The following DDAH1 variants were observed in gnomAD, a reference collection of about 807,000 sequenced individuals.
DDAH1 encodes the protein N(G),N(G)-dimethylarginine dimethylaminohydrolase 1.
A neutral mutation model predicts 28.8 loss-of-function variants in DDAH1; 19 were observed. The ratio of observed to expected loss-of-function variants is 0.66; its 90% CI spans 0.46 to 0.97. DDAH1 has a LOEUF of 0.97. Among genes scored for constraint, DDAH1 ranks in the 50% least tolerant of loss-of-function variants. The probability of loss-of-function intolerance (pLI) is 0.00; values close to 1 mark genes in which losing one functional copy is unlikely to be tolerated. For missense variants in DDAH1, 326 were observed against 375.9 expected (o/e 0.87, Z 1.10); for synonymous variants, 153 against 154.4 (o/e 0.99, Z 0.07).
At chr1:85,412,727 A>G (rs758433244) in intron 1 of DDAH1, among the ~76,000 whole-genome samples, 1 of 152,208 alleles carries the variant, frequency 6.6e-6, no homozygotes, top group Non-Finnish European at 1.5e-5. Flanking sequence ...AGGGCCAGGC[A>G]TGGTGGCCTG....
At position 85,406,896 on chromosome 1, in the gene DDAH1, G is replaced by T. The variant is rs1385629092; in HGVS notation, c.304-48049C>A. Among the ~76,000 whole-genome samples, 5 of 151,838 alleles carry T rather than the reference G, an allele frequency of 3.3e-5. No homozygotes were observed. The East Asian group carries it at 7.7e-4, about 23-fold the overall frequency. ...TAAAATAAAATGCTATATTACAAGG[G>T]TCTTTATGACTCAAAGAGAAACAAG... On this transcript the variant is annotated intron_variant, in intron 1 of 5. Transcript: ENST00000284031.
chr1:85,562,329 C>T (rs558717190), intron 1 of DDAH1, among the ~76,000 whole-genome samples: 2 of 152,080 alleles, frequency 1.3e-5, no homozygotes, highest in African/African-American at 4.8e-5. Context: ...TAATGCAGGG[C>T]ATTTTTAATA....
At position 85,464,706 on chromosome 1, in the gene DDAH1, C is replaced by T; in HGVS notation, c.303+37G>A. ...CGGCCGGCGGCGGGGGAGGGCCTGG[C>T]GCGCGCCCCGGCCGCGCCCCTCGAG... is the stretch of plus-strand genomic sequence containing the variant. On this transcript the variant is annotated intron_variant, in intron 1 of 5. Coordinates refer to ENST00000284031, the MANE Select transcript of DDAH1 (RefSeq NM_012137.4). This position sits in a 1 kb window ranked among gnomAD's most constrained non-coding sequence, Gnocchi z 4.4. 3 of 1,437,594 alleles carry T rather than the reference C, an allele frequency of 2.1e-6. No homozygotes were observed. Among genetic ancestry groups the T allele is most frequent in the Non-Finnish European group, 2.7e-6 (3 of 1,102,212 alleles). 89.1% of individuals were successfully genotyped at this position (1,437,594 alleles called of 1,614,324 possible).
At chr1:85,460,657 G>T (rs1375151824) in intron 1 of DDAH1, among the ~76,000 whole-genome samples, 1 of 152,158 alleles carries the variant, frequency 6.6e-6, no homozygotes, top group Non-Finnish European at 1.5e-5. Flanking sequence ...TTGCAATTTT[G>T]CTTAAGTTAA....
intron 1 of DDAH1, among the ~76,000 whole-genome samples, chr1:85,407,049 G>A (rs1267675826): frequency 1.3e-5 from 2 of 151,898 alleles, no homozygotes; most frequent in Non-Finnish European, 2.9e-5. Context: ...TTTTTCATGT[G>A]TCCACTTTTT....
intron 1 of DDAH1, among the ~76,000 whole-genome samples, chr1:85,522,448 A>T (rs1473697164): frequency 1.5e-5 from 2 of 135,864 alleles, no homozygotes; most frequent in Non-Finnish European, 3.2e-5. Flanking sequence ...CCAAATGCTA[A>T]TTCTGCCTAA....
chr1:85,431,396 G>C (rs891355832), intron 1 of DDAH1, among the ~76,000 whole-genome samples: 1 of 152,200 alleles, frequency 6.6e-6, no homozygotes, highest in Non-Finnish European at 1.5e-5. Flanking sequence ...GGACAGTTGT[G>C]CAGGGCACCT....
intron 1 of DDAH1, among the ~76,000 whole-genome samples, chr1:85,575,376 C>T (rs561411883): frequency 4.6e-5 from 7 of 152,308 alleles, no homozygotes; most frequent in Admixed American, 3.3e-4. Flanking sequence ...CAGGCCAAGC[C>T]TTATTCCAGA....
intron 1 of DDAH1, among the ~76,000 whole-genome samples, chr1:85,557,768 C>A (rs1463408964): frequency 6.6e-6 from 1 of 152,048 alleles, no homozygotes; most frequent in Non-Finnish European, 1.5e-5. Flanking sequence ...TCCAATATGA[C>A]TGGCATTCTT....
intron 1 of DDAH1, among the ~76,000 whole-genome samples, chr1:85,518,687 C>T (rs1424234608): frequency 2.0e-5 from 3 of 152,294 alleles, no homozygotes; most frequent in Non-Finnish European, 4.4e-5. Flanking sequence ...CATGATCTCT[C>T]CATTTTTAGG....
intron 1 of DDAH1, among the ~76,000 whole-genome samples, chr1:85,536,589 A>G (rs1658286114): frequency 6.6e-6 from 1 of 151,676 alleles, no homozygotes; most frequent in African/African-American, 2.4e-5. Context: ...AAACAAATGA[A>G]CAAAAAAACA....
intron 1 of DDAH1, among the ~76,000 whole-genome samples, chr1:85,543,396 A>G (rs2100787409): frequency 6.6e-6 from 1 of 152,318 alleles, no homozygotes; most frequent in African/African-American, 2.4e-5. Flanking sequence ...TAAGAGGCAG[A>G]CTTGCTCACA....
At chr1:85,341,484 C>T (rs768533339) in intron 4 of DDAH1, among the ~76,000 whole-genome samples, 80 of 152,344 alleles carry the variant, frequency 5.3e-4, no homozygotes, top group Non-Finnish European at 9.6e-4. Context: ...TGGTTTTCCT[C>T]AAACAGGCAT....
chr1:85,571,502 C>A (rs1227329315), intron 1 of DDAH1, among the ~76,000 whole-genome samples: 1 of 152,216 alleles, frequency 6.6e-6, no homozygotes, highest in Non-Finnish European at 1.5e-5. Flanking sequence ...GAGCTTTAAT[C>A]CACAGTATTG....
intron 1 of DDAH1, among the ~76,000 whole-genome samples, chr1:85,529,411 A>G (rs1420527919): frequency 2.6e-5 from 4 of 152,076 alleles, no homozygotes; most frequent in Non-Finnish European, 4.4e-5. Context: ...ATATATTTCA[A>G]AACTCCACAC....
Position 85,464,077 on chromosome 1 carries a change from G to GCA in DDAH1, c.303+664_303+665dup. 6.6e-6 allele frequency among the ~76,000 whole-genome samples: 1 copy of GCA among 152,218 alleles called. No individual in the cohort carries two copies. The highest frequency in any genetic ancestry group is 1.9e-4 in the East Asian group (1 of 5,200). On this transcript the variant is annotated intron_variant, in intron 1 of 5. Coordinates refer to ENST00000284031, the MANE Select transcript of DDAH1 (RefSeq NM_012137.4). The surrounding 1 kb of genome is among the most constrained non-coding windows in gnomAD (Gnocchi z 4.4). ...CATCTCTAATTAAACACGCTCGCTA[G>GCA]CACACACACCCAACACCGCACAGAG... is the stretch of plus-strand genomic sequence containing the variant.
At chr1:85,492,052 A>G (rs963214189) in intron 2 of DDAH1, among the ~76,000 whole-genome samples, 3 of 152,228 alleles carry the variant, frequency 2.0e-5, no homozygotes, top group African/African-American at 4.8e-5. Context: ...TGAGACATGC[A>G]TAATGATCCT....
chr1:85,378,075 G>C (rs911218337), intron 1 of DDAH1, among the ~76,000 whole-genome samples: 2 of 152,108 alleles, frequency 1.3e-5, no homozygotes, highest in Non-Finnish European at 2.9e-5. Context: ...ATAAGTAAAA[G>C]ACTATTCTGT....
chr1:85,443,912 G>A (rs1654318442), intron 1 of DDAH1, among the ~76,000 whole-genome samples: 1 of 152,170 alleles, frequency 6.6e-6, no homozygotes, highest in African/African-American at 2.4e-5. Flanking sequence ...AGGAGATTTT[G>A]GGCTGAGACG....
Sources: gnomAD v4.1 joint callset for allele counts (sites outside exome capture counted in the v4.1 genomes callset) on GRCh38, gnomAD v4.1.1 for gene constraint, Gnocchi (gnomAD v3.1) non-coding constraint, MANE v1.5 for transcripts, NCBI Gene and HGNC (gene_info 2026-07-23, HGNC 2026-07-21) for gene names.